GPR161: variants seen among roughly 807,000 people sequenced by gnomAD.
GPR161 encodes the protein G protein-coupled receptor 161.
Under a neutral mutation model 39.2 loss-of-function variants are expected in GPR161, and 25 were observed. The observed-to-expected ratio is 0.64, with a 90% CI of 0.47 to 0.89. GPR161 has a LOEUF of 0.89. Ranked by LOEUF, GPR161 falls within the 40% of genes least tolerant of loss-of-function variation. The probability of loss-of-function intolerance (pLI) is 0.00; values close to 1 mark genes in which losing one functional copy is unlikely to be tolerated. For synonymous variants in GPR161, 286 were observed against 276.6 expected, an observed-to-expected ratio of 1.03 and a Z score of -0.34; for missense variants, 547 against 677.8, an observed-to-expected ratio of 0.81 and a Z score of 2.14.
chr1:168,113,962 C>T (rs537892264), intron 1 of GPR161, among the ~76,000 whole-genome samples: 1 of 152,208 alleles, frequency 6.6e-6, no homozygotes, highest in East Asian at 1.9e-4. Context: ...TGCACATGTA[C>T]CACTGAACTT....
intron 1 of GPR161, among the ~76,000 whole-genome samples, chr1:168,120,365 C>T (rs766392055): frequency 1.9e-4 from 29 of 152,146 alleles, no homozygotes; most frequent in Non-Finnish European, 3.5e-4. Context: ...GGAATGGGAA[C>T]ATTTACCCAA....
chr1:168,087,966 A>C, intron 4 of GPR161: 3 of 367,428 alleles, frequency 8.2e-6, no homozygotes, highest in East Asian at 5.9e-5. Context: ...ATCTGCCTCA[A>C]TGACCAGACC....
chr1:168,121,203 C>T (rs1266604349), intron 1 of GPR161, among the ~76,000 whole-genome samples: 2 of 152,130 alleles, frequency 1.3e-5, no homozygotes, highest in Admixed American at 6.6e-5. Flanking sequence ...TCTCAAGGGA[C>T]TAATACAGCA....
intron 1 of GPR161, among the ~76,000 whole-genome samples, chr1:168,121,452 C>T (rs1464465367): frequency 6.6e-6 from 1 of 152,150 alleles, no homozygotes; most frequent in Non-Finnish European, 1.5e-5. Flanking sequence ...GGCCTCTCTC[C>T]CAGTTCTCCA....
intron 4 of GPR161, among the ~76,000 whole-genome samples, chr1:168,090,114 C>A (rs941865890): frequency 3.3e-5 from 5 of 152,228 alleles, no homozygotes; most frequent in Admixed American, 3.3e-4. Context: ...GGGATTAGTA[C>A]CCCCATTTCA....
rs1198335372 is a variant in GPR161 at position 168,134,293 on chromosome 1, T to C, written c.-45+2446A>G. ...ATGCTCCAGCACTCCCTGAACATAT[T>C]TGCCATGAATGCTATCCTCTCCCCT... On this transcript the variant is annotated intron_variant, in intron 1 of 5. Transcript: ENST00000682931. Among the ~76,000 whole-genome samples, 5 of 152,224 alleles carry C rather than the reference T, an allele frequency of 3.3e-5. No individual in the cohort carries two copies. The South Asian group carries it at 8.3e-4, about 25-fold the overall frequency.
chr1:168,111,262 G>C (rs1413549490), intron 1 of GPR161, among the ~76,000 whole-genome samples: 1 of 152,160 alleles, frequency 6.6e-6, no homozygotes, highest in Admixed American at 6.5e-5. Flanking sequence ...CTCTGACTTT[G>C]TCTGGTGTCC....
intron 1 of GPR161, among the ~76,000 whole-genome samples, chr1:168,116,996 C>A (rs1697686631): frequency 6.6e-6 from 1 of 152,136 alleles, no homozygotes; most frequent in African/African-American, 2.4e-5. Flanking sequence ...GGCTTTGGTG[C>A]TCTCCACAGA....
intron 1 of GPR161, among the ~76,000 whole-genome samples, chr1:168,121,649 TG>T (rs1482089632): frequency 2.0e-5 from 3 of 152,170 alleles, no homozygotes; most frequent in Non-Finnish European, 2.9e-5. Flanking sequence ...AAAAAACAGC[TG>T]GGGGTCCACA....
chr1:168,115,778 ATT>A (rs534629775), intron 1 of GPR161, among the ~76,000 whole-genome samples: 1 of 143,864 alleles, frequency 7.0e-6, no homozygotes, highest in African/African-American at 2.5e-5. Context: ...TCCAGAGAAA[ATT>A]TTTTTTTTTT....
Position 168,085,165 on chromosome 1 carries a change from G to A in GPR161, c.*366C>T. Reference sequence around the variant, plus strand: ...GACTCCCAGCACACTGTGAAGAGGAGGAAATGATGCATGTGGGGGTCTCCT... The same window carrying A: ...GACTCCCAGCACACTGTGAAGAGGAAGAAATGATGCATGTGGGGGTCTCCT... On this transcript the variant is annotated 3_prime_UTR_variant, in exon 6 of 6. Coordinates refer to ENST00000682931, the MANE Select transcript of GPR161 (RefSeq NM_001375883.1). 1 of 445,952 alleles carries A rather than the reference G, an allele frequency of 2.2e-6. No homozygotes were observed. The highest frequency in any genetic ancestry group is 1.7e-5 in the South Asian group (1 of 57,930). 27.6% of individuals were successfully genotyped at this position (445,952 alleles called of 1,614,324 possible). A position where few individuals can be genotyped will look rare whatever the true frequency, so the allele number is the denominator to read the frequency against.
At chr1:168,135,086 T>A in intron 1 of GPR161, 3 of 1,458,544 alleles carry the variant, frequency 2.1e-6, no homozygotes, top group Non-Finnish European at 2.7e-6. Context: ...TTGGATTAGT[T>A]CCAAAATGTC....
chr1:168,112,523 A>T (rs1246515730), intron 1 of GPR161, among the ~76,000 whole-genome samples: 1 of 149,902 alleles, frequency 6.7e-6, no homozygotes, highest in African/African-American at 2.5e-5. Flanking sequence ...AAAAAAAAAA[A>T]TTTGGTAAAT....
At position 168,087,711 on chromosome 1, in the gene GPR161, C is replaced by G; in HGVS notation, c.1205-7G>C. 1 of 1,606,462 alleles carries G rather than the reference C, an allele frequency of 6.2e-7. No individual in the cohort carries two copies. Among genetic ancestry groups the G allele is most frequent in the African/African-American group, 1.3e-5 (1 of 74,840 alleles). On this transcript the variant is annotated splice_polypyrimidine_tract_variant and splice_region_variant and intron_variant, in intron 4 of 5. Transcript: ENST00000682931. ...AGCAGCATCATATCTGTCCCTAAAA[C>G]AACGGGCAGATTGTGCATATGTAAC...
In GPR161 at chr1:168,120,648, CAT is replaced by C. The variant is rs556412364; in HGVS notation, c.-44-15756_-44-15755del. Among the ~76,000 whole-genome samples the C allele has an allele frequency of 7.9e-5, 12 of 152,270 alleles. No individual in the cohort carries two copies. The South Asian group carries it at 2.1e-3, about 26-fold the overall frequency. ...ATCTCATCTCGAATCATAATCCCCACATGTCGAGAGAGGGACCTGGTGGGAGG... is the reference window on the plus strand; with the variant it reads ...ATCTCATCTCGAATCATAATCCCCACGTCGAGAGAGGGACCTGGTGGGAGG... On this transcript the variant is annotated intron_variant, in intron 1 of 5. Coordinates refer to ENST00000682931, the MANE Select transcript of GPR161 (RefSeq NM_001375883.1).
rs1245679168 is a variant in GPR161, at chr1:168,136,793, G to GGCCACC, written c.-105_-100dup. 1 of 983,662 alleles carries GGCCACC rather than the reference G, an allele frequency of 1.0e-6. No individual in the cohort carries two copies. The highest frequency in any genetic ancestry group is 1.2e-6 in the Non-Finnish European group (1 of 829,880). The allele number at this position is 983,662 out of a possible 1,614,324, so 60.9% of individuals were successfully genotyped here. On this transcript the variant is annotated 5_prime_UTR_variant, in exon 1 of 6. Transcript: ENST00000682931. ...CCCGGCCCAGCCGCCTCCCCGCCTC[G>GGCCACC]GCCACCGCCGCCGCCGCTTCCTTCC...
chr1:168,096,312 C>T (rs986908670), intron 3 of GPR161, among the ~76,000 whole-genome samples, 196 bp downstream of exon 3: 1 of 152,074 alleles, frequency 6.6e-6, no homozygotes, highest in African/African-American at 2.4e-5. Context: ...TCAGCATGGC[C>T]GTGAGCTACT....
At position 168,134,388 on chromosome 1, in the gene GPR161, CAG is replaced by C. The variant is rs563554705; in HGVS notation, c.-45+2349_-45+2350del. On this transcript the variant is annotated intron_variant, in intron 1 of 5. Coordinates refer to ENST00000682931, the MANE Select transcript of GPR161 (RefSeq NM_001375883.1). ...TAAGCCTTTTCTCTTGGTGTAGAAA[CAG>C]AGTCATAGACGAGTACTGGGTGAAT... is the stretch of plus-strand genomic sequence containing the variant. Among the ~76,000 whole-genome samples the C allele has an allele frequency of 1.3e-4, 20 of 152,238 alleles. No individual in the cohort carries two copies. In the South Asian group the frequency reaches 3.5e-3, roughly 27 times the overall value.
intron 5 of GPR161, 70 bp downstream of exon 5, chr1:168,087,515 C>A: frequency 6.4e-7 from 1 of 1,574,308 alleles, no homozygotes; most frequent in Non-Finnish European, 8.7e-7. Context: ...CCAGCCTGAG[C>A]CAAGGAATTG....
Sources: allele counts gnomAD v4.1 joint callset (sites outside exome capture counted in the v4.1 genomes callset), GRCh38; gene constraint gnomAD v4.1.1; transcripts MANE v1.5; gene names NCBI Gene and HGNC (gene_info 2026-07-23, HGNC 2026-07-21).